The following IKBKB-DT variants were observed in gnomAD, a reference collection of about 807,000 sequenced individuals.
IKBKB-DT encodes IKBKB antisense RNA.
intron 3 of IKBKB-DT, among the ~76,000 whole-genome samples, chr8:42,251,323 C>T (rs990111602): frequency 5.3e-5 from 8 of 152,188 alleles, no homozygotes; most frequent in African/African-American, 1.9e-4. Context: ...CATCCATTGG[C>T]TGGAGCAGGA....
At chr8:42,251,076 A>G (rs1311624946) in intron 3 of IKBKB-DT, among the ~76,000 whole-genome samples, 10 of 147,030 alleles carry the variant, frequency 6.8e-5, no homozygotes, top group South Asian at 2.1e-4. Flanking sequence ...CAGCCTGGCC[A>G]ACATGGTGAA....
intron 1 of IKBKB-DT, among the ~76,000 whole-genome samples, chr8:42,268,052 G>A (rs563566503): frequency 1.3e-5 from 2 of 152,042 alleles, no homozygotes; most frequent in East Asian, 3.9e-4. Context: ...GAGATGACAG[G>A]ATTAAAGAGA....
chr8:42,251,827 T>C (rs1281015538), intron 3 of IKBKB-DT, among the ~76,000 whole-genome samples: 5 of 111,746 alleles, frequency 4.5e-5, no homozygotes, highest in East Asian at 4.7e-4. Flanking sequence ...AGACTCCATC[T>C]CAAAAAAAAA....
chr8:42,242,613 A>AT (rs1334616752), intron 3 of IKBKB-DT, among the ~76,000 whole-genome samples: 2 of 152,182 alleles, frequency 1.3e-5, no homozygotes, highest in Admixed American at 1.3e-4. Context: ...AACGTCCTCC[A>AT]TTTGGCCTGG....
chr8:42,243,356 T>C (rs546222986), intron 3 of IKBKB-DT, among the ~76,000 whole-genome samples: 13 of 152,292 alleles, frequency 8.5e-5, no homozygotes, highest in African/African-American at 2.6e-4. Context: ...TAGACTATTA[T>C]TGCATTTCTA....
chr8:42,249,488 C>A (rs1311438486), intron 3 of IKBKB-DT: 2 of 150,678 alleles, frequency 1.3e-5, no homozygotes, highest in African/African-American at 4.9e-5. Flanking sequence ...CTAAGACTAA[C>A]AAGACCAATA....
intron 3 of IKBKB-DT, among the ~76,000 whole-genome samples, chr8:42,236,891 A>C (rs1806930222): frequency 6.6e-6 from 1 of 152,156 alleles, no homozygotes; most frequent in Non-Finnish European, 1.5e-5. Flanking sequence ...AATTTAAAAT[A>C]TTTTTTAAAT....
At chr8:42,240,094 G>T (rs1189564741) in intron 3 of IKBKB-DT, among the ~76,000 whole-genome samples, 1 of 152,010 alleles carries the variant, frequency 6.6e-6, no homozygotes, top group African/African-American at 2.4e-5. Flanking sequence ...ACTTAAATTT[G>T]CTTGTTCTGT....
chr8:42,252,220 AC>A (rs1807138779), intron 3 of IKBKB-DT, among the ~76,000 whole-genome samples: 1 of 152,224 alleles, frequency 6.6e-6, no homozygotes, highest in South Asian at 2.1e-4. Flanking sequence ...CACTATGCAA[AC>A]GGCACACCTG....
intron 3 of IKBKB-DT, among the ~76,000 whole-genome samples, chr8:42,245,355 A>G (rs1475372221): frequency 6.6e-6 from 1 of 152,208 alleles, no homozygotes; most frequent in Non-Finnish European, 1.5e-5. Flanking sequence ...TGACACCATG[A>G]GTTTACAACT....
intron 2 of IKBKB-DT, among the ~76,000 whole-genome samples, chr8:42,265,291 C>T (rs1807355302): frequency 6.6e-6 from 1 of 152,200 alleles, no homozygotes; most frequent in Admixed American, 6.5e-5. Context: ...ACCACCACAC[C>T]CGGGCAAAAG....
At chr8:42,237,777 A>G (rs1001897976) in intron 3 of IKBKB-DT, among the ~76,000 whole-genome samples, 3 of 151,988 alleles carry the variant, frequency 2.0e-5, no homozygotes, top group Admixed American at 6.6e-5. Context: ...GTAACCCAGC[A>G]CTTTGGGAGG....
chr8:42,252,072 G>C lies in IKBKB-DT; in HGVS notation n.1529+11257C>G, dbSNP rs149454750. ...TAGGAAAAGGCTACCTGGAGGCCAG[G>C]CATGTTCAACATGGAGGCTCCATCT... On this transcript the variant is annotated intron_variant and non_coding_transcript_variant, in intron 3 of 3. Coordinates refer to ENST00000518213, the Ensembl canonical transcript of IKBKB-DT. Among the ~76,000 whole-genome samples the C allele has an allele frequency of 9.7e-3, 1,472 of 152,306 alleles. 18 individuals are homozygous for C. Among genetic ancestry groups the C allele is most frequent in the African/African-American group, 0.032 (1,343 of 41,546 alleles).
intron 3 of IKBKB-DT, among the ~76,000 whole-genome samples, chr8:42,253,014 T>G (rs1433233812): frequency 6.6e-6 from 1 of 152,206 alleles, no homozygotes; most frequent in South Asian, 2.1e-4. Flanking sequence ...GAATCTCTAT[T>G]AACAAAGCTA....
chr8:42,265,013 C>T (rs571906005), intron 2 of IKBKB-DT, among the ~76,000 whole-genome samples: 3 of 152,048 alleles, frequency 2.0e-5, no homozygotes, highest in Non-Finnish European at 4.4e-5. Flanking sequence ...CAGGTGCTTG[C>T]CACCACGCCC....
At chr8:42,249,046 T>C (rs184574671) in intron 3 of IKBKB-DT, 4 of 152,138 alleles carry the variant, frequency 2.6e-5, no homozygotes, top group African/African-American at 7.2e-5. Context: ...CAATACAACT[T>C]TTATTAAACA....
intron 3 of IKBKB-DT, among the ~76,000 whole-genome samples, chr8:42,239,636 T>TATATATATATATATATATATA (rs55662464): frequency 0.035 from 957 of 27,674 alleles, 63 homozygotes; most frequent in Non-Finnish European, 0.043. Context: ...ATATATATAT[T>TATATATATATATATATATATA]TATTTATTTA....
exon 1 of IKBKB-DT, chr8:42,271,250 T>G (rs909333652): frequency 3.2e-5 from 22 of 689,214 alleles, no homozygotes; most frequent in Middle Eastern, 2.6e-4. Context: ...GGACCTGGTC[T>G]GCCTCGCGCC....
At chr8:42,245,306 T>G (rs1449743481) in intron 3 of IKBKB-DT, among the ~76,000 whole-genome samples, 1 of 152,166 alleles carries the variant, frequency 6.6e-6, no homozygotes, top group East Asian at 1.9e-4. Flanking sequence ...GTTTGATGAT[T>G]CTTTACGTGT....
Sources: gnomAD v4.1 joint callset for allele counts (sites outside exome capture counted in the v4.1 genomes callset) on GRCh38, gnomAD v4.1.1 for gene constraint, MANE v1.5 for transcripts, NCBI Gene and HGNC (gene_info 2026-07-23, HGNC 2026-07-21) for gene names.